The following EML6 variants were observed in gnomAD, a reference collection of about 807,000 sequenced individuals.
The protein encoded by EML6 is EMAP like 6, also known as echinoderm microtubule-associated protein-like 6.
Under a neutral mutation model 240.1 loss-of-function variants are expected in EML6, and 154 were observed. That is an observed-to-expected ratio of 0.64 (90% CI 0.56 to 0.73). EML6 has a LOEUF of 0.73. Among genes scored for constraint, EML6 ranks in the 30% least tolerant of loss-of-function variants. EML6 has a pLI of 0.00. For missense variants in EML6, 2,964 were observed against 2,474.6 expected (o/e 1.20, Z -4.20); for synonymous variants, 1,148 against 899.0 (o/e 1.28, Z -4.95).
intron 22 of EML6, among the ~76,000 whole-genome samples, chr2:54,901,088 A>G (rs1042549517): frequency 3.3e-4 from 51 of 152,368 alleles, no homozygotes; most frequent in African/African-American, 1.1e-3. Context: ...GGCTGAGCCA[A>G]CAACTATGCC....
chr2:54,946,904 G>T (rs1209384987), intron 28 of EML6, among the ~76,000 whole-genome samples: 13 of 150,664 alleles, frequency 8.6e-5, no homozygotes, highest in African/African-American at 2.9e-4. Flanking sequence ...TTACCTTTCG[G>T]TTTTTTTCTG....
chr2:54,865,321 C>A lies in EML6; in HGVS notation c.1932+1432C>A, dbSNP rs1410159229. On this transcript the variant is annotated intron_variant, in intron 13 of 41. Coordinates refer to ENST00000356458, the MANE Select transcript of EML6 (RefSeq NM_001039753.4). ...CTAGTTAACACAGTCTCTGTATCTA[C>A]AAAAAAAAAAAAAAACTGCTGGGCA... Among the ~76,000 whole-genome samples, 505 of 138,466 alleles carry A rather than the reference C, an allele frequency of 3.6e-3. 1 individual carries two copies. The highest frequency in any genetic ancestry group is 5.6e-3 in the Admixed American group (78 of 13,898). The allele number at this position is 138,466 out of a possible 152,430, so 90.8% of individuals were successfully genotyped here. A position where few individuals can be genotyped will look rare whatever the true frequency, so the allele number is the denominator to read the frequency against.
chr2:54,799,406 C>A (rs574331332), intron 2 of EML6, among the ~76,000 whole-genome samples: 1 of 151,490 alleles, frequency 6.6e-6, no homozygotes, highest in African/African-American at 2.4e-5. Context: ...TGTGTGGTGG[C>A]GCGATCTCCG....
chr2:54,799,586 A>G (rs1276722648), intron 2 of EML6, among the ~76,000 whole-genome samples: 3 of 151,600 alleles, frequency 2.0e-5, no homozygotes, highest in African/African-American at 2.4e-5. Context: ...CTCGTGATTC[A>G]CCCGCCTTGG....
chr2:54,749,933 C>A (rs553976864), intron 2 of EML6, among the ~76,000 whole-genome samples: 1 of 152,182 alleles, frequency 6.6e-6, no homozygotes, highest in Non-Finnish European at 1.5e-5. Context: ...CCATTTGAGG[C>A]TTTCAGAGAG....
At chr2:54,793,704 C>T (rs902618349) in intron 2 of EML6, among the ~76,000 whole-genome samples, 1 of 152,106 alleles carries the variant, frequency 6.6e-6, no homozygotes, top group African/African-American at 2.4e-5. Flanking sequence ...TTCCTTTGAG[C>T]CAGATGTGGC....
intron 2 of EML6, among the ~76,000 whole-genome samples, chr2:54,734,657 G>A (rs142995162): frequency 1.1e-3 from 169 of 152,298 alleles, no homozygotes; most frequent in African/African-American, 3.8e-3. Flanking sequence ...GGTAGTGGAG[G>A]TGGGGATGAG....
rs112188631 is a variant in EML6 at position 54,859,680 on chromosome 2, A to C, written c.1804A>C (p.Met602Leu). The change falls in exon 12 of 42, where the codon ATG becomes CTG. Residue 602 changes from methionine to leucine, a missense_variant. Transcript: ENST00000356458. ...TATTCCAGAAGGTGTCAGCAACGGC[A>C]TGCTGGAAACTGCACCCCAAGGTAA... ...RFIPEGVSNG[M>L]LETAPQEGGA... The C allele has an allele frequency of 5.2e-4, 811 of 1,545,236 alleles. 1 individual carries two copies. Among genetic ancestry groups the C allele is most frequent in the Non-Finnish European group, 6.9e-4 (791 of 1,145,276 alleles).
At chr2:54,935,859 T>G (rs1271631210) in intron 28 of EML6, among the ~76,000 whole-genome samples, 1 of 152,110 alleles carries the variant, frequency 6.6e-6, no homozygotes, top group African/African-American at 2.4e-5. Flanking sequence ...AGGCCCTATC[T>G]CTACAAACAA....
At chr2:54,928,928 G>C (rs1461921868) in intron 28 of EML6, among the ~76,000 whole-genome samples, 177 bp downstream of exon 28, 1 of 152,196 alleles carries the variant, frequency 6.6e-6, no homozygotes, top group Non-Finnish European at 1.5e-5. Context: ...CAACATCCCA[G>C]TACGTGGCAA....
At position 54,942,941 on chromosome 2, in the gene EML6, C is replaced by T. The variant is rs528811333; in HGVS notation, c.4005-5941C>T. On this transcript the variant is annotated intron_variant, in intron 28 of 41. Coordinates refer to ENST00000356458, the MANE Select transcript of EML6 (RefSeq NM_001039753.4). ...AATGCCATTTCCCAGTCCTGTTGGCCCTTCTCCCCTACATTCCTCCTACCA... is the reference window on the plus strand; with the variant it reads ...AATGCCATTTCCCAGTCCTGTTGGCTCTTCTCCCCTACATTCCTCCTACCA... Among the ~76,000 whole-genome samples the T allele has an allele frequency of 2.8e-4, 43 of 152,246 alleles. 2 individuals are homozygous for T. The South Asian group carries it at 7.7e-3, about 27-fold the overall frequency.
At position 54,790,826 on chromosome 2, in the gene EML6, C is replaced by A. The variant is rs1409126821; in HGVS notation, c.198-22406C>A. On this transcript the variant is annotated intron_variant, in intron 2 of 41. Coordinates refer to ENST00000356458, the MANE Select transcript of EML6 (RefSeq NM_001039753.4). ...CTGCAAGCTCCGCCTCCCAGGTTCA[C>A]ACCATTCTCCTGCCTCAGCCTCCCG... Among the ~76,000 whole-genome samples, 271 of 150,710 alleles carry A rather than the reference C, an allele frequency of 1.8e-3. 3 individuals carry two copies. The highest frequency in any genetic ancestry group is 6.2e-3 in the African/African-American group (257 of 41,140).
chr2:54,744,745 G>A (rs778070945), intron 2 of EML6, among the ~76,000 whole-genome samples: 1 of 151,928 alleles, frequency 6.6e-6, no homozygotes, highest in African/African-American at 2.4e-5. Flanking sequence ...GAGGATGGGG[G>A]CCTATTTCAG....
At chr2:54,813,887 A>G (rs1434479879) in intron 3 of EML6, among the ~76,000 whole-genome samples, 2 of 152,156 alleles carry the variant, frequency 1.3e-5, no homozygotes, top group African/African-American at 4.8e-5. Flanking sequence ...AATTCAGTCT[A>G]TCATCAATTC....
intron 8 of EML6, among the ~76,000 whole-genome samples, chr2:54,844,998 G>C (rs1226516600): frequency 6.6e-6 from 1 of 152,172 alleles, no homozygotes; most frequent in Non-Finnish European, 1.5e-5. Context: ...AAGAGGGAGA[G>C]TGTGAGAGGA....
At chr2:54,804,559 C>T (rs957367725) in intron 2 of EML6, among the ~76,000 whole-genome samples, 1 of 152,194 alleles carries the variant, frequency 6.6e-6, no homozygotes. Flanking sequence ...ACAACCCTGC[C>T]CACTTCCTGC....
intron 26 of EML6, among the ~76,000 whole-genome samples, chr2:54,923,339 G>A (rs899775525): frequency 6.8e-5 from 10 of 147,604 alleles, no homozygotes; most frequent in African/African-American, 2.3e-4. Context: ...TTTGCTAACA[G>A]AGTAGATCCT....
At chr2:54,922,493 C>T (rs71413280) in intron 26 of EML6, among the ~76,000 whole-genome samples, 3 of 152,052 alleles carry the variant, frequency 2.0e-5, no homozygotes, top group Non-Finnish European at 2.9e-5. Context: ...ATGGAGGTTC[C>T]TCAAAAAATT....
chr2:54,803,784 T>A (rs1280561989), intron 2 of EML6, among the ~76,000 whole-genome samples: 1 of 152,190 alleles, frequency 6.6e-6, no homozygotes, highest in Non-Finnish European at 1.5e-5. Context: ...GATTTCAGTT[T>A]TGAAACAATT....
Sources: allele counts gnomAD v4.1 joint callset (sites outside exome capture counted in the v4.1 genomes callset), GRCh38; gene constraint gnomAD v4.1.1; transcripts MANE v1.5; gene names NCBI Gene and HGNC (gene_info 2026-07-23, HGNC 2026-07-21).